FAAH2: variants seen among roughly 807,000 people sequenced by gnomAD.
The protein encoded by FAAH2 is fatty-acid amide hydrolase 2.
A neutral mutation model predicts 36.9 loss-of-function variants in FAAH2; 60 were observed. That is an observed-to-expected ratio of 1.63 (90% confidence interval 1.32 to 2.02). FAAH2 has a LOEUF of 2.02. FAAH2 is among the 30% of genes most tolerant of loss of function. The probability of loss-of-function intolerance (pLI) is 0.00; values close to 1 mark genes in which losing one functional copy is unlikely to be tolerated. For missense variants in FAAH2, 689 were observed against 397.5 expected (o/e 1.73, Z -6.23); for synonymous variants, 214 against 143.8 (o/e 1.49, Z -3.49).
the FAAH2 span, among the ~76,000 whole-genome samples, chrX:57,217,439 A>G: frequency 2.7e-5 from 3 of 111,872 alleles, no homozygotes. Flanking sequence ...TCTTTAATCC[A>G]TCCTGAGTTG....
the FAAH2 span, among the ~76,000 whole-genome samples, chrX:57,239,482 A>G: frequency 9.2e-6 from 1 of 109,152 alleles, no homozygotes; most frequent in African/African-American, 3.3e-5. Flanking sequence ...TTTTATATAT[A>G]TATATATTTC....
the FAAH2 span, among the ~76,000 whole-genome samples, chrX:57,250,727 C>A: frequency 1.9e-5 from 2 of 106,563 alleles, no homozygotes; most frequent in African/African-American, 7.1e-5. Context: ...TGAGTATGAA[C>A]AATTGTACAC....
chrX:57,165,766 G>A, the FAAH2 span, among the ~76,000 whole-genome samples: 3 of 111,316 alleles, frequency 2.7e-5, no homozygotes, highest in East Asian at 8.4e-4. Flanking sequence ...ATGTATAATG[G>A]TAATATGGGA....
chrX:57,155,703 G>T, the FAAH2 span, among the ~76,000 whole-genome samples: 1 of 112,305 alleles, frequency 8.9e-6, no homozygotes, highest in East Asian at 2.8e-4. Flanking sequence ...ACAAAGTTCA[G>T]CTGGAGGTTT....
intron 10 of FAAH2, among the ~76,000 whole-genome samples, chrX:57,462,161 C>A (rs1447427692): frequency 9.9e-5 from 2 of 20,163 alleles, no homozygotes; most frequent in Non-Finnish European, 2.9e-4. Flanking sequence ...TAATTAATAG[C>A]CTACAAAAAA....
At chrX:57,150,780 T>C in the FAAH2 span, among the ~76,000 whole-genome samples, 1 of 112,055 alleles carries the variant, frequency 8.9e-6, no homozygotes, top group African/African-American at 3.3e-5. Context: ...AATATAGTTA[T>C]TTGTGAATTT....
At chrX:57,195,330 T>G in the FAAH2 span, among the ~76,000 whole-genome samples, 1 of 111,767 alleles carries the variant, frequency 8.9e-6, no homozygotes. Context: ...AGCATTGTGG[T>G]TTTGGTTTTC....
the FAAH2 span, among the ~76,000 whole-genome samples, chrX:57,278,497 T>C: frequency 9.0e-6 from 1 of 111,147 alleles, no homozygotes; most frequent in Non-Finnish European, 1.9e-5. Context: ...ACCTAGGCAA[T>C]ACCATTCAGG....
the FAAH2 span, among the ~76,000 whole-genome samples, chrX:57,233,233 G>A: frequency 9.0e-6 from 1 of 111,384 alleles, no homozygotes; most frequent in Admixed American, 9.5e-5. Flanking sequence ...GATAGTGTGG[G>A]AGAGTTGGCA....
At chrX:57,217,267 C>G in the FAAH2 span, among the ~76,000 whole-genome samples, 1 of 97,653 alleles carries the variant, frequency 1.0e-5, no homozygotes, top group Non-Finnish European at 2.0e-5. Context: ...TTTTGTCATT[C>G]AAAAGCTATT....
chrX:57,317,147 A>T (rs771538055), intron 3 of FAAH2, among the ~76,000 whole-genome samples: 2 of 112,088 alleles, frequency 1.8e-5, no homozygotes, highest in Non-Finnish European at 3.8e-5. Context: ...TGCTCTCAGG[A>T]TCAAGTTCAC....
At chrX:57,141,598 G>A in the FAAH2 span, among the ~76,000 whole-genome samples, 372 of 111,074 alleles carry the variant, frequency 3.3e-3, 2 homozygotes, top group African/African-American at 0.012. Context: ...TATTACCATT[G>A]CTATCTCATT....
chrX:57,210,446 G>A, the FAAH2 span, among the ~76,000 whole-genome samples: 1 of 112,182 alleles, frequency 8.9e-6, no homozygotes, highest in Admixed American at 9.5e-5. Context: ...AAGAAGGCAT[G>A]CCTGTTTTAA....
intron 10 of FAAH2, among the ~76,000 whole-genome samples, chrX:57,478,303 G>A: frequency 9.0e-6 from 1 of 111,472 alleles, no homozygotes; most frequent in African/African-American, 3.3e-5. Context: ...AGAAGTGTCT[G>A]TTCATGTCCT....
chrX:57,362,088 G>T (rs1313604669), intron 5 of FAAH2, among the ~76,000 whole-genome samples: 1 of 110,410 alleles, frequency 9.1e-6, no homozygotes, highest in Non-Finnish European at 1.9e-5. Flanking sequence ...TGACCCTAGA[G>T]TTTGATTTTT....
the FAAH2 span, among the ~76,000 whole-genome samples, chrX:57,213,302 G>A: frequency 9.0e-6 from 1 of 111,040 alleles, no homozygotes. Context: ...TTGATACTTT[G>A]TATTGATTTT....
chrX:57,378,649 A>G lies in FAAH2; in HGVS notation c.743-2A>G, dbSNP rs759824844. On this transcript the variant is annotated splice_acceptor_variant, in intron 5 of 10. Coordinates refer to ENST00000374900, the MANE Select transcript of FAAH2 (RefSeq NM_174912.4). LOFTEE classifies it high-confidence loss of function. Reference sequence around the variant, plus strand: ...GGCTAACCTGACTGTCTATCCTTTCAGGTGTGGTTCCCAACAAAGGTCAGT... The same window carrying G: ...GGCTAACCTGACTGTCTATCCTTTCGGGTGTGGTTCCCAACAAAGGTCAGT... The G allele has an allele frequency of 8.3e-7, 1 of 1,210,918 alleles. No homozygotes were observed. The highest frequency in any genetic ancestry group is 1.1e-6 in the Non-Finnish European group (1 of 895,026).
chrX:57,449,634 A>C (rs745735849), intron 10 of FAAH2, among the ~76,000 whole-genome samples: 1 of 110,403 alleles, frequency 9.1e-6, no homozygotes, highest in South Asian at 3.9e-4. Context: ...CTCACTCTTA[A>C]TTTCTTCCTT....
intron 7 of FAAH2, among the ~76,000 whole-genome samples, chrX:57,401,800 G>A (rs1305065294): frequency 9.0e-6 from 1 of 111,319 alleles, no homozygotes; most frequent in Non-Finnish European, 1.9e-5. Context: ...TCAAGCAGGG[G>A]ACAACAAATG....
Sources: allele counts gnomAD v4.1 joint callset (sites outside exome capture counted in the v4.1 genomes callset), GRCh38; gene constraint gnomAD v4.1.1; transcripts MANE v1.5; gene names NCBI Gene and HGNC (gene_info 2026-07-23, HGNC 2026-07-21).